Variants in FHL2 observed in about 807,000 individuals in gnomAD.
FHL2 encodes the protein four and a half LIM domains protein 2.
In FHL2, 20 loss-of-function variants were observed where a neutral mutation model predicts 32.7. The ratio of observed to expected loss-of-function variants is 0.61; its 90% confidence interval spans 0.43 to 0.89. The LOEUF (loss-of-function observed/expected upper bound fraction) is 0.89. Among genes scored for constraint, FHL2 ranks in the 40% least tolerant of loss-of-function variants. FHL2 has a pLI of 0.00. For missense variants in FHL2, 311 were observed against 358.6 expected, an observed-to-expected ratio of 0.87 and a Z score of 1.07; for synonymous variants, 123 against 128.1, an observed-to-expected ratio of 0.96 and a Z score of 0.27.
intron 3 of FHL2, among the ~76,000 whole-genome samples, chr2:105,383,658 A>G (rs949631936): frequency 2.0e-5 from 3 of 152,194 alleles, no homozygotes; most frequent in Non-Finnish European, 2.9e-5. Context: ...GAGATTGGCC[A>G]CCAGACCTAA....
At chr2:105,363,063 T>G in intron 6 of FHL2, 7 of 536,910 alleles carry the variant, frequency 1.3e-5, no homozygotes, top group Non-Finnish European at 1.4e-5. Context: ...GCACTGGCCA[T>G]ATGGTTGTGA....
chr2:105,369,213 G>C (rs1286677616), intron 4 of FHL2, among the ~76,000 whole-genome samples: 4 of 152,208 alleles, frequency 2.6e-5, no homozygotes, highest in African/African-American at 9.7e-5. Flanking sequence ...CAAGCCGACA[G>C]AGGGACTGCC....
rs535047752 is a variant in FHL2, at chr2:105,431,146, G to C, written c.-25+7253C>G. Among the ~76,000 whole-genome samples, 15 of 152,208 alleles carry C rather than the reference G, an allele frequency of 9.9e-5. No homozygotes were observed. The East Asian group carries it at 2.7e-3, about 27-fold the overall frequency. Reference sequence around the variant, plus strand: ...CTACAATATGAATTACAGTCAAAAAGTTTCTAAGATCTCAAATTAAATACA... The same window carrying C: ...CTACAATATGAATTACAGTCAAAAACTTTCTAAGATCTCAAATTAAATACA... On this transcript the variant is annotated intron_variant, in intron 1 of 5. Transcript: ENST00000393352.
At chr2:105,381,682 G>T (rs965387946) in intron 3 of FHL2, among the ~76,000 whole-genome samples, 1 of 152,158 alleles carries the variant, frequency 6.6e-6, no homozygotes, top group Non-Finnish European at 1.5e-5. Flanking sequence ...TTCACAGACA[G>T]ATTTTTGTCT....
chr2:105,381,448 C>T (rs376473377), intron 3 of FHL2, among the ~76,000 whole-genome samples: 6 of 152,084 alleles, frequency 3.9e-5, no homozygotes, highest in African/African-American at 7.2e-5. Context: ...GTCCCCTTCG[C>T]GCAGCTTGTC....
chr2:105,434,279 A>G (rs1239016955), intron 1 of FHL2, among the ~76,000 whole-genome samples: 1 of 152,258 alleles, frequency 6.6e-6, no homozygotes, highest in Non-Finnish European at 1.5e-5. Context: ...AGTACTGGAA[A>G]GAAAGACATT....
At chr2:105,393,713 G>A (rs1682898918) in intron 2 of FHL2, among the ~76,000 whole-genome samples, 1 of 152,184 alleles carries the variant, frequency 6.6e-6, no homozygotes, top group African/African-American at 2.4e-5. Context: ...AATCAAGCAT[G>A]AAAAATTAGA....
chr2:105,398,445 G>C (rs1316891975), intron 1 of FHL2, among the ~76,000 whole-genome samples: 1 of 152,190 alleles, frequency 6.6e-6, no homozygotes, highest in African/African-American at 2.4e-5. Flanking sequence ...GCAGACCACC[G>C]TGCCAGGACA....
At chr2:105,402,676 C>T (rs1324591091), upstream of FHL2, among the ~76,000 whole-genome samples, 2 of 152,192 alleles carry the variant, frequency 1.3e-5, no homozygotes, top group Non-Finnish European at 2.9e-5. Flanking sequence ...AATGCAATTT[C>T]TGGGTTTAAT....
intron 4 of FHL2, 106 bp downstream of exon 4, chr2:105,373,453 C>A: frequency 8.0e-7 from 1 of 1,250,310 alleles, no homozygotes; most frequent in Non-Finnish European, 1.2e-6. Context: ...ACTGGAAAGT[C>A]AACACGAGTG....
At chr2:105,431,518 G>A (rs1229730128) in intron 1 of FHL2, among the ~76,000 whole-genome samples, 3 of 152,218 alleles carry the variant, frequency 2.0e-5, no homozygotes, top group Non-Finnish European at 2.9e-5. Context: ...AGGTGCAAAT[G>A]CCCTGGGGCA....
Position 105,386,368 on chromosome 2 carries a change from T to A in FHL2, c.149A>T (p.Asp50Val), listed in dbSNP as rs1030203192. Residue 50 changes from aspartate to valine, a missense_variant, in exon 3 of 7, where the codon GAC becomes GTC. By Grantham distance (152) the Asp-to-Val change is radical. Transcript: ENST00000530340. ...CEECGKPIGCDCKDLSYKDRH... is the reference protein window; with the variant it reads ...CEECGKPIGCVCKDLSYKDRH... ...GAGGCCCGCAGCAGGTACCTTGCAGTCACAGCCGATGGGCTTCCCACACTC... is the reference window on the plus strand; with the variant it reads ...GAGGCCCGCAGCAGGTACCTTGCAGACACAGCCGATGGGCTTCCCACACTC... The A allele has an allele frequency of 1.2e-6, 2 of 1,613,706 alleles. No homozygotes were observed. The highest frequency in any genetic ancestry group is 1.7e-5 in the Admixed American group (1 of 59,996).
At chr2:105,360,449 CG>C (rs1377544457), downstream of FHL2, 1 of 151,806 alleles carries the variant, frequency 6.6e-6, no homozygotes, top group Non-Finnish European at 1.5e-5. Flanking sequence ...CTCTGCCTCC[CG>C]GGTTCATGCC....
intron 2 of FHL2, among the ~76,000 whole-genome samples, chr2:105,396,413 C>T (rs539032266): frequency 2.4e-3 from 368 of 152,294 alleles, no homozygotes; most frequent in African/African-American, 8.5e-3. Context: ...CTATTCAGGC[C>T]TTCAACTGTT....
chr2:105,407,982 A>G (rs757748426), intron 1 of FHL2, among the ~76,000 whole-genome samples: 3 of 152,220 alleles, frequency 2.0e-5, no homozygotes, highest in Admixed American at 6.5e-5. Flanking sequence ...GCTTTAAAAA[A>G]TTTCTGTCTG....
At chr2:105,373,372 C>G (rs1332829319) in intron 4 of FHL2, among the ~76,000 whole-genome samples, 187 bp downstream of exon 4, 1 of 152,234 alleles carries the variant, frequency 6.6e-6, no homozygotes, top group Non-Finnish European at 1.5e-5. Context: ...GATCCCGTTA[C>G]TGCCCATGAT....
intron 4 of FHL2, among the ~76,000 whole-genome samples, chr2:105,368,998 C>T (rs890755063): frequency 2.0e-5 from 3 of 152,176 alleles, no homozygotes; most frequent in African/African-American, 7.2e-5. Context: ...TTAAGCTAGA[C>T]GGCCGAGTAG....
upstream of FHL2, chr2:105,399,488 G>T: frequency 1.3e-6 from 2 of 1,536,176 alleles, no homozygotes; most frequent in South Asian, 2.4e-5. Context: ...CAAGGTGGAC[G>T]TTTTTCCTTC....
intron 3 of FHL2, among the ~76,000 whole-genome samples, chr2:105,380,008 A>G (rs1439048070): frequency 1.3e-5 from 2 of 152,344 alleles, no homozygotes; most frequent in African/African-American, 4.8e-5. Context: ...TGTTGTCTTT[A>G]GAAGTCTGAG....
Sources: allele counts gnomAD v4.1 joint callset (sites outside exome capture counted in the v4.1 genomes callset), GRCh38; gene constraint gnomAD v4.1.1; transcripts MANE v1.5; gene names NCBI Gene and HGNC (gene_info 2026-07-23, HGNC 2026-07-21).